Variants in GDPD1 observed in about 807,000 individuals in gnomAD.
The protein encoded by GDPD1 is glycerophosphodiester phosphodiesterase domain containing 1.
Under a neutral mutation model 45.1 loss-of-function variants are expected in GDPD1, and 28 were observed. The observed-to-expected ratio is 0.62, with a 90% CI of 0.46 to 0.85. The LOEUF is 0.85. Ranked by LOEUF, GDPD1 falls within the 40% of genes least tolerant of loss-of-function variation. GDPD1 has a pLI of 0.00. For synonymous variants in GDPD1, 139 were observed against 131.4 expected (o/e 1.06, Z -0.40); for missense variants, 256 against 364.8 (o/e 0.70, Z 2.43).
chr17:59,242,673 C>G (rs1405838225), intron 2 of GDPD1, among the ~76,000 whole-genome samples: 2 of 152,050 alleles, frequency 1.3e-5, no homozygotes, highest in Non-Finnish European at 2.9e-5. Context: ...TGTCACATGA[C>G]CAGGAAAGAT....
chr17:59,245,555 T>TA lies in GDPD1; in HGVS notation c.321+11dup. On this transcript the variant is annotated splice_region_variant and intron_variant, in intron 3 of 9. Transcript: ENST00000284116. ...TCTCTGATCTCAAATACTGTGTAAG[T>TA]AAAAATGCATGATAAACTAATATCT... 6.3e-7 allele frequency: 1 copy of TA among 1,595,650 alleles called. No individual in the cohort carries two copies. The highest frequency in any genetic ancestry group is 1.3e-5 in the African/African-American group (1 of 74,304).
In GDPD1 at chr17:59,257,895, C is replaced by A. The variant is rs189685745; in HGVS notation, c.576+55C>A. ...TATCTTTGTTGTTGTTTTGTATCTA[C>A]AAATGATAAGTTATTATAGTAATAA... On this transcript the variant is annotated intron_variant, in intron 6 of 9. Coordinates refer to ENST00000284116, the MANE Select transcript of GDPD1 (RefSeq NM_182569.4). The A allele has an allele frequency of 1.2e-5, 14 of 1,166,956 alleles. No individual in the cohort carries two copies. The East Asian group carries it at 3.2e-4, about 27-fold the overall frequency. 72.3% of individuals were successfully genotyped at this position (1,166,956 alleles called of 1,614,324 possible).
intron 7 of GDPD1, among the ~76,000 whole-genome samples, chr17:59,268,578 CAAAAAAAAAAAAA>C (rs1176390251): frequency 2.8e-4 from 10 of 35,374 alleles, no homozygotes; most frequent in African/African-American, 3.7e-4. Context: ...GACTCTGTCT[CAAAAAAAAAAAAA>C]AAAAAAAAAA....
At chr17:59,255,754 A>AAG in intron 4 of GDPD1, among the ~76,000 whole-genome samples, 1 of 83,398 alleles carries the variant, frequency 1.2e-5, no homozygotes, top group Non-Finnish European at 2.1e-5. Context: ...AAAAAAAAAA[A>AAG]AAAAAAAAAT....
chr17:59,251,337 G>T (rs6503910), intron 4 of GDPD1, among the ~76,000 whole-genome samples: 42,414 of 151,548 alleles, frequency 0.28, 6,714 homozygotes, highest in African/African-American at 0.43. Context: ...TGGCCAACAC[G>T]GTGAAACCCT....
rs780930664 is a variant in GDPD1, at chr17:59,220,595, C to T, written c.-15C>T. On this transcript the variant is annotated 5_prime_UTR_variant, in exon 1 of 10. Coordinates refer to ENST00000284116, the MANE Select transcript of GDPD1 (RefSeq NM_182569.4). ...GAGGGCCCGGAGGTGGGAGACTTCC[C>T]ACACGGTGACTGAGATGTCGTCCAC... The T allele has an allele frequency of 6.2e-7, 1 of 1,612,112 alleles. No individual in the cohort carries two copies. Among genetic ancestry groups the T allele is most frequent in the South Asian group, 1.1e-5 (1 of 90,806 alleles).
At chr17:59,259,883 A>C (rs1333916924) in intron 6 of GDPD1, among the ~76,000 whole-genome samples, 1 of 151,104 alleles carries the variant, frequency 6.6e-6, no homozygotes, top group Non-Finnish European at 1.5e-5. Flanking sequence ...GAACATGAGG[A>C]AACCCCATCT....
chr17:59,227,039 T>A (rs2047052794), intron 1 of GDPD1, among the ~76,000 whole-genome samples: 1 of 152,120 alleles, frequency 6.6e-6, no homozygotes, highest in South Asian at 2.1e-4. Flanking sequence ...AAGAAGAAAT[T>A]GACTGTTTTT....
At chr17:59,271,710 T>A (rs189194319) in intron 8 of GDPD1, among the ~76,000 whole-genome samples, 24 of 151,762 alleles carry the variant, frequency 1.6e-4, no homozygotes, top group African/African-American at 5.1e-4. Flanking sequence ...TGGTGTGATC[T>A]CGGCTCACCG....
intron 2 of GDPD1, among the ~76,000 whole-genome samples, chr17:59,238,926 T>A (rs891358795): frequency 6.6e-6 from 1 of 152,114 alleles, no homozygotes. Context: ...AACTAAGGAA[T>A]TGTACTATAC....
intron 2 of GDPD1, among the ~76,000 whole-genome samples, chr17:59,236,213 T>C (rs2047131055): frequency 6.6e-6 from 1 of 152,150 alleles, no homozygotes; most frequent in South Asian, 2.1e-4. Flanking sequence ...CATTTGAAAA[T>C]ATCACAATTT....
At chr17:59,227,777 TAA>T (rs1368346805) in intron 1 of GDPD1, among the ~76,000 whole-genome samples, 1 of 152,158 alleles carries the variant, frequency 6.6e-6, no homozygotes, top group East Asian at 1.9e-4. Flanking sequence ...TGATTTAAAA[TAA>T]GAGAGAAAAT....
intron 2 of GDPD1, among the ~76,000 whole-genome samples, chr17:59,242,343 G>A (rs1363689004): frequency 6.6e-6 from 1 of 152,180 alleles, no homozygotes; most frequent in Admixed American, 6.5e-5. Context: ...AATTACAGGT[G>A]TGAGCCACCA....
chr17:59,259,566 C>CAAAAAAAAAAA (rs71367681), intron 6 of GDPD1, among the ~76,000 whole-genome samples: 11 of 24,846 alleles, frequency 4.4e-4, no homozygotes, highest in African/African-American at 1.4e-3. Context: ...GACTCTGTCT[C>CAAAAAAAAAAA]AAAAAAAAAA....
intron 6 of GDPD1, among the ~76,000 whole-genome samples, chr17:59,263,185 C>T (rs2047371200): frequency 6.6e-6 from 1 of 152,090 alleles, no homozygotes; most frequent in Non-Finnish European, 1.5e-5. Context: ...GTATGTACCA[C>T]CATGCCTGGC....
chr17:59,246,709 C>CAAAAAA lies in GDPD1; in HGVS notation c.321+1178_321+1183dup, dbSNP rs749077536. Among the ~76,000 whole-genome samples, 90 of 27,406 alleles carry CAAAAAA rather than the reference C, an allele frequency of 3.3e-3. 4 individuals are homozygous for CAAAAAA. The highest frequency in any genetic ancestry group is 3.6e-3 in the African/African-American group (23 of 6,322). The allele number at this position is 27,406 out of a possible 152,430, so 18.0% of individuals were successfully genotyped here. On this transcript the variant is annotated intron_variant, in intron 3 of 9. Coordinates refer to ENST00000284116, the MANE Select transcript of GDPD1 (RefSeq NM_182569.4). ...GGTTGAAAAGAGCGAGACTCCATCT[C>CAAAAAA]AAAAAAAAAAAAAAAAAAAAAAAGA...
At chr17:59,264,359 T>C (rs1473694972) in intron 6 of GDPD1, among the ~76,000 whole-genome samples, 1 of 151,668 alleles carries the variant, frequency 6.6e-6, no homozygotes, top group Non-Finnish European at 1.5e-5. Context: ...AGTGGCACGA[T>C]CTCAGCTCAC....
chr17:59,244,360 A>G (rs569977245), intron 2 of GDPD1, among the ~76,000 whole-genome samples: 6 of 152,094 alleles, frequency 3.9e-5, no homozygotes, highest in Non-Finnish European at 8.8e-5. Context: ...ATGCTCCTAG[A>G]AGAGCATTTT....
chr17:59,273,657 AT>A lies in GDPD1; in HGVS notation c.832del (p.Trp278GlyfsTer3), dbSNP rs1395998077. ...TCACACTTCTAATTTTCAGGTGTAT[AT>A]TTGGGTATTAAATGAAGAACAAGAA... ...HLTARGIQVY[I>X]WVLNEEQEYK... On this transcript the variant is annotated frameshift_variant, in exon 10 of 10. Transcript: ENST00000284116. LOFTEE classifies it high-confidence loss of function. The A allele has an allele frequency of 1.3e-6, 2 of 1,494,788 alleles. No individual in the cohort carries two copies. Among genetic ancestry groups the A allele is most frequent in the Non-Finnish European group, 1.8e-6 (2 of 1,083,698 alleles). 92.6% of individuals were successfully genotyped at this position (1,494,788 alleles called of 1,614,324 possible). A position where few individuals can be genotyped will look rare whatever the true frequency, so the allele number is the denominator to read the frequency against.
Sources: gnomAD v4.1 joint callset for allele counts (sites outside exome capture counted in the v4.1 genomes callset) on GRCh38, gnomAD v4.1.1 for gene constraint, MANE v1.5 for transcripts, NCBI Gene and HGNC (gene_info 2026-07-23, HGNC 2026-07-21) for gene names.